Variants in CLEC2A observed in about 807,000 individuals in gnomAD.
The protein encoded by CLEC2A is C-type lectin domain family 2 member A, also known as keratinocyte-associated C-type lectin.
In CLEC2A, 19 loss-of-function variants were observed where a neutral mutation model predicts 18.6. The observed-to-expected ratio is 1.02, with a 90% CI of 0.71 to 1.50. The LOEUF is 1.50. CLEC2A is among the 40% of genes most tolerant of loss of function. CLEC2A has a pLI of 0.00. For missense variants in CLEC2A, 190 were observed against 207.9 expected, an observed-to-expected ratio of 0.91 and a Z score of 0.53; for synonymous variants, 74 against 64.0, an observed-to-expected ratio of 1.16 and a Z score of -0.75.
At chr12:9,914,885 G>A (rs905049263) in intron 4 of CLEC2A, among the ~76,000 whole-genome samples, 1 of 152,064 alleles carries the variant, frequency 6.6e-6, no homozygotes, top group African/African-American at 2.4e-5. Context: ...AAGAGCTTCT[G>A]CACAGCAAAA....
At chr12:9,880,398 C>T in the CLEC2A span, among the ~76,000 whole-genome samples, 6 of 152,218 alleles carry the variant, frequency 3.9e-5, no homozygotes, top group African/African-American at 1.2e-4. Context: ...GAGGAGGAGA[C>T]TCAATAATCA....
chr12:9,905,389 G>C (rs541775925), intron 4 of CLEC2A, among the ~76,000 whole-genome samples: 7 of 152,230 alleles, frequency 4.6e-5, no homozygotes, highest in African/African-American at 1.7e-4. Flanking sequence ...GGTGGCGTCT[G>C]TGCTAATAGG....
chr12:9,883,218 T>C, the CLEC2A span, among the ~76,000 whole-genome samples: 1 of 152,224 alleles, frequency 6.6e-6, no homozygotes, highest in Non-Finnish European at 1.5e-5. Context: ...TTCCTTAAGA[T>C]TGATATAATT....
intron 3 of CLEC2A, 35 bp downstream of exon 3, chr12:9,922,029 ATC>A: frequency 6.9e-7 from 1 of 1,457,262 alleles, no homozygotes; most frequent in Non-Finnish European, 9.2e-7. Context: ...TATACAAACA[ATC>A]TCTGAAATTA....
chr12:9,881,595 G>C, the CLEC2A span: 2 of 1,529,152 alleles, frequency 1.3e-6, no homozygotes, highest in Non-Finnish European at 1.8e-6. Flanking sequence ...CATTTGAAGA[G>C]ATGGAGAATG....
the CLEC2A span, chr12:9,892,879 T>G: frequency 1.6e-6 from 1 of 638,934 alleles, no homozygotes; most frequent in South Asian, 2.1e-5. Flanking sequence ...CCACCGCGCC[T>G]GGTCTGAACT....
At chr12:9,885,808 C>T in the CLEC2A span, among the ~76,000 whole-genome samples, 21,261 of 151,890 alleles carry the variant, frequency 0.14, 2,454 homozygotes, top group East Asian at 0.34. Context: ...TTACTAATTA[C>T]CTGAAAATGT....
intron 4 of CLEC2A, among the ~76,000 whole-genome samples, chr12:9,905,732 T>C (rs1188528065): frequency 2.0e-5 from 3 of 152,182 alleles, no homozygotes; most frequent in Non-Finnish European, 2.9e-5. Context: ...ATACTTGGGC[T>C]TTTTCAAAAC....
At chr12:9,891,008 CTT>C in the CLEC2A span, among the ~76,000 whole-genome samples, 2 of 149,800 alleles carry the variant, frequency 1.3e-5, no homozygotes, top group African/African-American at 4.9e-5. Flanking sequence ...TAATATGCCT[CTT>C]GAGTCTTAAT....
chr12:9,882,198 T>C, the CLEC2A span, among the ~76,000 whole-genome samples: 1 of 152,148 alleles, frequency 6.6e-6, no homozygotes, highest in Admixed American at 6.5e-5. Flanking sequence ...GAAAACAATC[T>C]TGTTGAAATA....
chr12:9,912,277 G>A (rs954613396), downstream of CLEC2A, among the ~76,000 whole-genome samples: 1 of 152,096 alleles, frequency 6.6e-6, no homozygotes, highest in African/African-American at 2.4e-5. Context: ...TTATGGCTGG[G>A]AGCCAGCCAG....
At chr12:9,885,729 A>C in the CLEC2A span, among the ~76,000 whole-genome samples, 1 of 152,048 alleles carries the variant, frequency 6.6e-6, no homozygotes, top group Non-Finnish European at 1.5e-5. Flanking sequence ...GATATATCCT[A>C]CTTAATGTAT....
At chr12:9,900,266 G>C (rs1220374190) in intron 4 of CLEC2A, among the ~76,000 whole-genome samples, 2 of 152,096 alleles carry the variant, frequency 1.3e-5, no homozygotes, top group Non-Finnish European at 2.9e-5. Context: ...TGTTCTTTCT[G>C]ACCTGAAGCC....
intron 1 of CLEC2A, 69 bp downstream of exon 1, chr12:9,932,206 T>G (rs1485788918): frequency 7.8e-6 from 9 of 1,158,380 alleles, no homozygotes; most frequent in Non-Finnish European, 1.1e-5. Flanking sequence ...AGAGTCCATA[T>G]TTTTAAGCTG....
At chr12:9,883,503 T>C in the CLEC2A span, among the ~76,000 whole-genome samples, 2 of 152,212 alleles carry the variant, frequency 1.3e-5, no homozygotes, top group African/African-American at 4.8e-5. Flanking sequence ...TGTTCAGTTT[T>C]TTATAAATCT....
At chr12:9,889,165 C>T in the CLEC2A span, among the ~76,000 whole-genome samples, 1 of 152,092 alleles carries the variant, frequency 6.6e-6, no homozygotes, top group East Asian at 1.9e-4. Flanking sequence ...AGATTTCAGC[C>T]AACTGTTCAC....
chr12:9,930,475 A>C (rs552236330), intron 1 of CLEC2A, among the ~76,000 whole-genome samples: 47 of 152,180 alleles, frequency 3.1e-4, no homozygotes, highest in Middle Eastern at 3.4e-3. Context: ...GCAAACTTTT[A>C]GACATCTAGT....
chr12:9,910,050 C>G (rs112146908), downstream of CLEC2A, among the ~76,000 whole-genome samples: 1 of 152,076 alleles, frequency 6.6e-6, no homozygotes, highest in Admixed American at 6.6e-5. Flanking sequence ...TCTATATCCT[C>G]CAGAGACACA....
chr12:9,881,744 A>T, the CLEC2A span: 1 of 981,644 alleles, frequency 1.0e-6, no homozygotes, highest in Non-Finnish European at 1.5e-6. Context: ...AATATTTTTA[A>T]CATCTTAACA....
Sources: allele counts gnomAD v4.1 joint callset (sites outside exome capture counted in the v4.1 genomes callset), GRCh38; gene constraint gnomAD v4.1.1; transcripts MANE v1.5; gene names NCBI Gene and HGNC (gene_info 2026-07-23, HGNC 2026-07-21).